The following DACH1 variants were observed in gnomAD, a reference collection of about 807,000 sequenced individuals.
DACH1 encodes dachshund family transcription factor 1, also known as dachshund homolog 1.
Under a neutral mutation model 54.2 loss-of-function variants are expected in DACH1, and 12 were observed. That is an observed-to-expected ratio of 0.22 (90% CI 0.14 to 0.36). The LOEUF (loss-of-function observed/expected upper bound fraction) is 0.36. DACH1 is among the 10% of genes least tolerant of loss of function. The probability of loss-of-function intolerance (pLI) is 1.00; values close to 1 mark genes in which losing one functional copy is unlikely to be tolerated. For synonymous variants in DACH1, 386 were observed against 366.2 expected (o/e 1.05, Z -0.62); for missense variants, 805 against 929.8 (o/e 0.87, Z 1.75).
At chr13:71,515,555 G>T (rs1036175398) in intron 6 of DACH1, among the ~76,000 whole-genome samples, 2 of 150,926 alleles carry the variant, frequency 1.3e-5, no homozygotes, top group African/African-American at 4.9e-5. Context: ...ATTTGTATTT[G>T]AAATCCTCAG....
chr13:71,692,001 GC>G (rs1594102489), intron 1 of DACH1, among the ~76,000 whole-genome samples: 2 of 138,738 alleles, frequency 1.4e-5, no homozygotes, highest in Admixed American at 7.6e-5. Context: ...TAGAGGCATA[GC>G]CCCCCATTAC....
intron 4 of DACH1, among the ~76,000 whole-genome samples, chr13:71,567,242 A>G (rs1450811588): frequency 2.0e-5 from 3 of 152,068 alleles, no homozygotes; most frequent in Non-Finnish European, 2.9e-5. Context: ...GTAATGTGTC[A>G]TAAGAAGAAA....
intron 10 of DACH1, among the ~76,000 whole-genome samples, chr13:71,445,005 T>C (rs571248313): frequency 5.3e-4 from 81 of 152,120 alleles, no homozygotes; most frequent in Non-Finnish European, 9.1e-4. Flanking sequence ...TACTCCTCAA[T>C]ACTATCACCC....
rs1244722607 is a variant in DACH1 at position 71,818,126 on chromosome 13, A to G, written c.848+47796T>C. Among the ~76,000 whole-genome samples, 5 of 152,124 alleles carry G rather than the reference A, an allele frequency of 3.3e-5. No individual in the cohort carries two copies. In the East Asian group the frequency reaches 7.7e-4, roughly 24 times the overall value. Reference sequence around the variant, plus strand: ...CCGCACCCAGCCATTTTCAAAGTACATTTATGTCTCACACAATATTTCTAT... The same window carrying G: ...CCGCACCCAGCCATTTTCAAAGTACGTTTATGTCTCACACAATATTTCTAT... On this transcript the variant is annotated intron_variant, in intron 1 of 10. Transcript: ENST00000613252.
At chr13:71,702,321 T>C (rs1454873275) in intron 1 of DACH1, among the ~76,000 whole-genome samples, 1 of 152,158 alleles carries the variant, frequency 6.6e-6, no homozygotes, top group African/African-American at 2.4e-5. Context: ...TTCCAAAGTT[T>C]GCCACCAGTG....
chr13:71,526,068 T>C (rs1881933737), intron 6 of DACH1, among the ~76,000 whole-genome samples: 1 of 152,202 alleles, frequency 6.6e-6, no homozygotes, highest in Admixed American at 6.5e-5. Flanking sequence ...CTTTATACAA[T>C]CTGTGTCACA....
intron 3 of DACH1, among the ~76,000 whole-genome samples, chr13:71,597,191 G>C (rs1358902187): frequency 6.6e-6 from 1 of 152,042 alleles, no homozygotes; most frequent in African/African-American, 2.4e-5. Context: ...TTTATTTGAG[G>C]TCAAATTGTC....
chr13:71,858,250 T>C (rs1003630023), intron 1 of DACH1, among the ~76,000 whole-genome samples: 1 of 151,758 alleles, frequency 6.6e-6, no homozygotes, highest in Non-Finnish European at 1.5e-5. Flanking sequence ...ATTTTTTTCC[T>C]GTTGTAACTG....
Position 71,489,245 on chromosome 13 carries a change from T to C in DACH1, c.1571-97A>G, listed in dbSNP as rs1298949705. ...TCCCTAGTGGTTTCCAGAACATTTATTGCAAATTGGTTCCTGCTATCAGGA... is the reference window on the plus strand; with the variant it reads ...TCCCTAGTGGTTTCCAGAACATTTACTGCAAATTGGTTCCTGCTATCAGGA... On this transcript the variant is annotated intron_variant, in intron 6 of 10. Coordinates refer to ENST00000613252, the MANE Select transcript of DACH1 (RefSeq NM_080759.6). 11 of 1,363,038 alleles carry C rather than the reference T, an allele frequency of 8.1e-6. No homozygotes were observed. The South Asian group carries it at 1.5e-4, about 19-fold the overall frequency. 84.4% of individuals were successfully genotyped at this position (1,363,038 alleles called of 1,614,324 possible).
intron 10 of DACH1, among the ~76,000 whole-genome samples, chr13:71,448,420 C>T (rs940703398): frequency 7.2e-5 from 11 of 152,098 alleles, no homozygotes; most frequent in South Asian, 2.1e-4. Flanking sequence ...GATAAGACAA[C>T]GAAAGGAAGT....
At position 71,681,642 on chromosome 13, in the gene DACH1, C is replaced by T. The variant is rs1924382; in HGVS notation, c.964+153G>A. Among the ~76,000 whole-genome samples the T allele has an allele frequency of 4.9e-4, 75 of 152,284 alleles. No individual in the cohort carries two copies. In the South Asian group the frequency reaches 0.014, roughly 29 times the overall value. On this transcript the variant is annotated intron_variant, in intron 2 of 10. Transcript: ENST00000613252. ...TAAAGAAAAGATGGTAATCATAATG[C>T]AGTTTTGAAATAAATTATCTCAGTA... is the stretch of plus-strand genomic sequence containing the variant.
rs148205539 is a variant in DACH1, at chr13:71,552,301, A to G, written c.1570+4723T>C. Among the ~76,000 whole-genome samples the G allele has an allele frequency of 6.3e-3, 964 of 152,238 alleles. 10 individuals carry two copies. Among genetic ancestry groups the G allele is most frequent in the African/African-American group, 0.022 (894 of 41,550 alleles). On this transcript the variant is annotated intron_variant, in intron 6 of 10. Coordinates refer to ENST00000613252, the MANE Select transcript of DACH1 (RefSeq NM_080759.6). ...CTACTTAATCCAAGACCAAAATACA[A>G]TAATACAAATTAGGTATGCAACAGT...
intron 6 of DACH1, among the ~76,000 whole-genome samples, chr13:71,546,371 T>G (rs994569351): frequency 6.6e-6 from 1 of 151,996 alleles, no homozygotes; most frequent in Non-Finnish European, 1.5e-5. Flanking sequence ...AGATTTACAT[T>G]GGATATAATA....
chr13:71,656,691 C>G (rs540686532), intron 2 of DACH1, among the ~76,000 whole-genome samples: 1 of 151,456 alleles, frequency 6.6e-6, no homozygotes, highest in Non-Finnish European at 1.5e-5. Flanking sequence ...AATTAGCTTT[C>G]TCTAACAAAA....
At chr13:71,463,094 T>C (rs1277636308) in intron 10 of DACH1, among the ~76,000 whole-genome samples, 1 of 152,016 alleles carries the variant, frequency 6.6e-6, no homozygotes, top group Non-Finnish European at 1.5e-5. Context: ...GACACTAGAC[T>C]ATTACTCTCA....
intron 1 of DACH1, among the ~76,000 whole-genome samples, chr13:71,750,413 C>G (rs1884874191): frequency 6.6e-6 from 1 of 152,088 alleles, no homozygotes; most frequent in African/African-American, 2.4e-5. Flanking sequence ...GAATGAATGA[C>G]AACAGAATTA....
rs965076871 is a variant in DACH1 at position 71,866,170 on chromosome 13, G to A, written c.600C>T (p.Ser200=). 6.2e-7 allele frequency: 1 copy of A among 1,613,030 alleles called. No homozygotes were observed. Among genetic ancestry groups the A allele is most frequent in the Non-Finnish European group, 8.5e-7 (1 of 1,179,514 alleles). Residue 200 remains serine (S), a synonymous_variant, in exon 1 of 11, where the codon TCC becomes TCT. Transcript: ENST00000613252. The stretch of plus-strand genomic sequence containing the variant: ...TCAGCTCGCAGCCCTCCACCGTGAA[G>A]GAAGCCACTTTGGCCCCCCTCAGAT... The part of the protein sequence containing the change: ...MVDLRGAKVA[S]FTVEGCELIC...
chr13:71,521,564 A>T (rs1429772439), intron 6 of DACH1, among the ~76,000 whole-genome samples: 11 of 152,034 alleles, frequency 7.2e-5, no homozygotes, highest in Non-Finnish European at 1.0e-4. Context: ...TTTCAAAGGC[A>T]AGGTAACTGT....
chr13:71,489,762 C>G (rs1878835536), intron 6 of DACH1, among the ~76,000 whole-genome samples: 1 of 151,844 alleles, frequency 6.6e-6, no homozygotes. Flanking sequence ...ACTTGAAGAC[C>G]TTTTACCTTC....
Sources: gnomAD v4.1 joint callset for allele counts (sites outside exome capture counted in the v4.1 genomes callset) on GRCh38, gnomAD v4.1.1 for gene constraint, MANE v1.5 for transcripts, NCBI Gene and HGNC (gene_info 2026-07-23, HGNC 2026-07-21) for gene names.